The following EVA1A variants were observed in gnomAD, a reference collection of about 807,000 sequenced individuals.
EVA1A encodes the protein protein eva-1 homolog A.
EVA1A carries 7 observed loss-of-function variants against 9.8 expected under a neutral mutation model. That is an observed-to-expected ratio of 0.71 (90% CI 0.41 to 1.34). EVA1A has a LOEUF of 1.34. EVA1A is among the 40% of genes most tolerant of loss of function. The pLI, the probability that EVA1A is intolerant of heterozygous loss-of-function variation, is 0.01. For missense variants in EVA1A, 206 were observed against 205.9 expected, an observed-to-expected ratio of 1.00 and a Z score of 0.00; for synonymous variants, 90 against 85.6, an observed-to-expected ratio of 1.05 and a Z score of -0.28.
chr2:75,557,727 G>C (rs992004645), intron 1 of EVA1A, among the ~76,000 whole-genome samples: 1 of 152,214 alleles, frequency 6.6e-6, no homozygotes, highest in Non-Finnish European at 1.5e-5. Context: ...TATGTACATA[G>C]GCTCAATTTA....
Position 75,549,718 on chromosome 2 carries a change from G to C in EVA1A, c.-192+10962C>G, listed in dbSNP as rs150294197. The stretch of plus-strand genomic sequence containing the variant: ...ATCAAACAAATAATTCAGCTGAGCT[G>C]CTGCTTTGTGTGGGGAAAGAAAAAT... On this transcript the variant is annotated intron_variant, in intron 1 of 3. Transcript: ENST00000393913. Among the ~76,000 whole-genome samples, 6 of 152,326 alleles carry C rather than the reference G, an allele frequency of 3.9e-5. No homozygotes were observed. The East Asian group carries it at 9.6e-4, about 24-fold the overall frequency.
At chr2:75,518,626 AC>A in intron 2 of EVA1A, 2 of 987,738 alleles carry the variant, frequency 2.0e-6, no homozygotes, top group South Asian at 9.3e-5. Context: ...TTCCCAGTAA[AC>A]AATTCCCCCT....
intron 1 of EVA1A, among the ~76,000 whole-genome samples, chr2:75,559,660 G>A (rs1027464674): frequency 2.6e-4 from 33 of 128,702 alleles, no homozygotes; most frequent in Admixed American, 1.2e-3. Context: ...AGGTCAAAAC[G>A]GAAAAAGCCT....
intron 1 of EVA1A, among the ~76,000 whole-genome samples, chr2:75,568,512 T>C (rs1449738044): frequency 6.6e-6 from 1 of 152,082 alleles, no homozygotes; most frequent in African/African-American, 2.4e-5. Flanking sequence ...TTTGGTTACA[T>C]AGATAAATTC....
At chr2:75,546,865 G>T (rs545241258) in intron 1 of EVA1A, among the ~76,000 whole-genome samples, 1 of 135,006 alleles carries the variant, frequency 7.4e-6, no homozygotes, top group African/African-American at 2.9e-5. Flanking sequence ...CACACACAGC[G>T]AAGATGATGT....
chr2:75,535,052 C>T (rs1447049002), intron 1 of EVA1A, among the ~76,000 whole-genome samples: 1 of 151,314 alleles, frequency 6.6e-6, no homozygotes. Context: ...AAGATCAGTC[C>T]AGAATCTCCA....
At chr2:75,528,185 G>A (rs749343949) in intron 1 of EVA1A, among the ~76,000 whole-genome samples, 11 of 152,182 alleles carry the variant, frequency 7.2e-5, no homozygotes, top group Non-Finnish European at 1.5e-4. Context: ...GAAGGGCCAC[G>A]GGGAGAAAGA....
intron 1 of EVA1A, among the ~76,000 whole-genome samples, chr2:75,526,552 A>G (rs1675446208): frequency 6.6e-6 from 1 of 152,212 alleles, no homozygotes. Flanking sequence ...AAGATCACCT[A>G]GCTAGAAAAT....
chr2:75,494,130 T>C (rs1312800119), intron 3 of EVA1A, among the ~76,000 whole-genome samples: 1 of 152,104 alleles, frequency 6.6e-6, no homozygotes, highest in Non-Finnish European at 1.5e-5. Flanking sequence ...TTCTAAGAAA[T>C]ACAGTTGACC....
intron 1 of EVA1A, among the ~76,000 whole-genome samples, chr2:75,558,207 G>A (rs1304293676): frequency 6.6e-6 from 1 of 152,186 alleles, no homozygotes; most frequent in Non-Finnish European, 1.5e-5. Context: ...GAATTAGGTA[G>A]GCACTCAGTA....
chr2:75,540,648 G>A (rs1042903670), intron 1 of EVA1A: 3 of 152,198 alleles, frequency 2.0e-5, no homozygotes, highest in East Asian at 1.9e-4. Flanking sequence ...TCTTCAGAAT[G>A]AGAAGAAAGT....
At chr2:75,501,087 C>G (rs1214474074) in intron 3 of EVA1A, among the ~76,000 whole-genome samples, 1 of 151,828 alleles carries the variant, frequency 6.6e-6, no homozygotes, top group Non-Finnish European at 1.5e-5. Context: ...CCCTTTCAAT[C>G]ATATCCCCCC....
intron 1 of EVA1A, among the ~76,000 whole-genome samples, chr2:75,528,761 G>A (rs1449028149): frequency 6.6e-6 from 1 of 152,128 alleles, no homozygotes; most frequent in Admixed American, 6.5e-5. Flanking sequence ...GAAACCCGAA[G>A]TTATCCAGGT....
chr2:75,567,331 A>C (rs564647008), intron 1 of EVA1A, among the ~76,000 whole-genome samples: 1 of 152,334 alleles, frequency 6.6e-6, no homozygotes, highest in African/African-American at 2.4e-5. Context: ...ATAAAGTATA[A>C]GTTTTGAGTT....
chr2:75,531,100 A>G (rs114611385), intron 1 of EVA1A, among the ~76,000 whole-genome samples: 2,986 of 152,348 alleles, frequency 0.02, 96 homozygotes, highest in African/African-American at 0.069. Flanking sequence ...ACTGCTATAC[A>G]CCAACAGTGA....
intron 1 of EVA1A, among the ~76,000 whole-genome samples, chr2:75,529,229 G>A (rs1675560702): frequency 1.3e-5 from 2 of 152,094 alleles, no homozygotes; most frequent in Non-Finnish European, 2.9e-5. Flanking sequence ...CCCAACACTG[G>A]AGATCCCAAA....
At chr2:75,526,700 G>A (rs1289058517) in intron 1 of EVA1A, among the ~76,000 whole-genome samples, 1 of 152,248 alleles carries the variant, frequency 6.6e-6, no homozygotes, top group Non-Finnish European at 1.5e-5. Context: ...CTTTAGCACA[G>A]GAGCAAAGGG....
At chr2:75,562,629 C>T (rs947831836), upstream of EVA1A, among the ~76,000 whole-genome samples, 2 of 152,224 alleles carry the variant, frequency 1.3e-5, no homozygotes, top group African/African-American at 4.8e-5. Flanking sequence ...ACCTCTGTTT[C>T]CTTATCTGTA....
upstream of EVA1A, among the ~76,000 whole-genome samples, chr2:75,563,648 T>G (rs1174031431): frequency 1.3e-5 from 2 of 152,244 alleles, no homozygotes; most frequent in Non-Finnish European, 2.9e-5. Context: ...CATGAAGATC[T>G]GTTCATCTCT....
Sources: gnomAD v4.1 joint callset for allele counts (sites outside exome capture counted in the v4.1 genomes callset) on GRCh38, gnomAD v4.1.1 for gene constraint, MANE v1.5 for transcripts, NCBI Gene and HGNC (gene_info 2026-07-23, HGNC 2026-07-21) for gene names.